The following PPP1R21 variants were observed in gnomAD, a reference collection of about 807,000 sequenced individuals.
The protein encoded by PPP1R21 is protein phosphatase 1 regulatory subunit 21, also known as KLRAQ motif containing 1.
In PPP1R21, 85 loss-of-function variants were observed where a neutral mutation model predicts 112.8. That is an observed-to-expected ratio of 0.75 (90% CI 0.63 to 0.90). PPP1R21 has a LOEUF of 0.90. Among genes scored for constraint, PPP1R21 ranks in the 40% least tolerant of loss-of-function variants. The pLI is 0.00. For synonymous variants in PPP1R21, 381 were observed against 322.3 expected (o/e 1.18, Z -1.95); for missense variants, 1,199 against 901.5 (o/e 1.33, Z -4.23).
intron 20 of PPP1R21, 138 bp from the exon 21 acceptor site, chr2:48,511,202 T>G (rs1670622407): frequency 1.2e-6 from 1 of 863,190 alleles, no homozygotes; most frequent in South Asian, 1.7e-5. Flanking sequence ...TCTTCTTTTG[T>G]AGCTATTTTG....
chr2:48,457,090 C>G (rs1667761864), intron 3 of PPP1R21, among the ~76,000 whole-genome samples: 1 of 151,920 alleles, frequency 6.6e-6, no homozygotes, highest in Non-Finnish European at 1.5e-5. Context: ...TTCTGAAAGA[C>G]CCTTGGGGAG....
chr2:48,502,514 G>A (rs1034506718), intron 17 of PPP1R21, among the ~76,000 whole-genome samples: 2 of 152,078 alleles, frequency 1.3e-5, no homozygotes, highest in East Asian at 1.9e-4. Flanking sequence ...GTGTATGTGT[G>A]TGTGTCTTTG....
chr2:48,491,263 C>G (rs1416154375), intron 15 of PPP1R21, 93 bp downstream of exon 15: 2 of 1,359,748 alleles, frequency 1.5e-6, no homozygotes. Context: ...ATATTGTTGA[C>G]TTTTTATACG....
Position 48,498,750 on chromosome 2 carries a change from G to C in PPP1R21, c.1935+15G>C, listed in dbSNP as rs755242043. 2.5e-6 allele frequency: 4 copies of C among 1,610,056 alleles called. No homozygotes were observed. In the South Asian group the frequency reaches 3.3e-5, roughly 13 times the overall value. Reference sequence around the variant, plus strand: ...GCACCAGTCTAGTAAGTGTCTTCTTGGTTGTCCTCAGTTTTCTTTTTTAAA... The same window carrying C: ...GCACCAGTCTAGTAAGTGTCTTCTTCGTTGTCCTCAGTTTTCTTTTTTAAA... On this transcript the variant is annotated intron_variant, in intron 17 of 21. Coordinates refer to ENST00000294952, the MANE Select transcript of PPP1R21 (RefSeq NM_001135629.3).
intron 1 of PPP1R21, among the ~76,000 whole-genome samples, chr2:48,447,340 A>T (rs953293026): frequency 1.1e-4 from 17 of 152,232 alleles, no homozygotes; most frequent in Admixed American, 2.6e-4. Flanking sequence ...TCAGAAAATT[A>T]CAAAACAAGG....
intron 1 of PPP1R21, among the ~76,000 whole-genome samples, chr2:48,446,126 A>G (rs1289638391): frequency 6.6e-6 from 1 of 152,242 alleles, no homozygotes; most frequent in Non-Finnish European, 1.5e-5. Context: ...CTGCATGAAG[A>G]CAGCCATGTA....
intron 9 of PPP1R21, 92 bp from the exon 10 acceptor site, chr2:48,470,995 T>G: frequency 1.2e-6 from 1 of 868,376 alleles, no homozygotes; most frequent in Non-Finnish European, 1.9e-6. Flanking sequence ...GGTTTACAAT[T>G]TAGGTTTATA....
chr2:48,496,928 A>G (rs1669872377), intron 16 of PPP1R21, among the ~76,000 whole-genome samples: 1 of 152,244 alleles, frequency 6.6e-6, no homozygotes, highest in South Asian at 2.1e-4. Context: ...GAGGACATGG[A>G]AAGTCTGCAC....
chr2:48,494,239 CAAAAAAAAAAAAAAAAAAAAAAAAAAA>C (rs70943345), intron 15 of PPP1R21, among the ~76,000 whole-genome samples: 2 of 42,250 alleles, frequency 4.7e-5, no homozygotes, highest in East Asian at 2.1e-3. Flanking sequence ...GACCTTGTCT[CAAAAAAAAAAAAAAAAAAAAAAAAAAA>C]AAAAAAAAAA....
intron 2 of PPP1R21, 91 bp downstream of exon 2, chr2:48,451,167 A>C (rs1313878924): frequency 8.3e-6 from 8 of 962,368 alleles, no homozygotes; most frequent in African/African-American, 1.6e-5. Flanking sequence ...TTAAAGTTCC[A>C]ACTCTGACAC....
intron 11 of PPP1R21, 74 bp downstream of exon 11, chr2:48,471,441 T>C (rs1481974518): frequency 2.9e-6 from 4 of 1,389,604 alleles, no homozygotes; most frequent in Non-Finnish European, 1.9e-6. Context: ...TAATAAAATA[T>C]TAACATGTGC....
intron 17 of PPP1R21, among the ~76,000 whole-genome samples, 161 bp from the exon 18 acceptor site, chr2:48,505,403 A>G (rs577949559): frequency 5.9e-5 from 9 of 152,366 alleles, no homozygotes; most frequent in Admixed American, 2.0e-4. Flanking sequence ...GCAGCTACCT[A>G]TCTTCATGTC....
At chr2:48,511,115 G>A (rs1369699489) in intron 20 of PPP1R21, among the ~76,000 whole-genome samples, 2 of 152,180 alleles carry the variant, frequency 1.3e-5, no homozygotes, top group Non-Finnish European at 2.9e-5. Context: ...CCTTTGTACA[G>A]TGTGTAATGA....
intron 12 of PPP1R21, among the ~76,000 whole-genome samples, chr2:48,475,189 CAAAAAATTTA>C (rs1403389549): frequency 6.6e-6 from 1 of 151,542 alleles, no homozygotes; most frequent in Admixed American, 6.6e-5. Flanking sequence ...CCCATCTCTA[CAAAAAATTTA>C]AAAATTATCC....
intron 14 of PPP1R21, among the ~76,000 whole-genome samples, chr2:48,488,277 A>G (rs555588840): frequency 3.3e-5 from 5 of 152,076 alleles, no homozygotes; most frequent in Admixed American, 2.6e-4. Flanking sequence ...GGCATGCCAG[A>G]TGCTTTTGGA....
At chr2:48,480,109 T>C in intron 13 of PPP1R21, 93 bp downstream of exon 13, 1 of 861,970 alleles carries the variant, frequency 1.2e-6, no homozygotes, top group Non-Finnish European at 2.0e-6. Context: ...CCAAGGGTAA[T>C]AGACCCCAGA....
In PPP1R21 at chr2:48,460,060, G is replaced by T. The variant is rs376003668; in HGVS notation, c.541-35G>T. Reference sequence around the variant, plus strand: ...AGTGTGCTCCTATCTGTCGTAGCCTGAGCCATCTGTGTTTCTTTTTCTTCT... The same window carrying T: ...AGTGTGCTCCTATCTGTCGTAGCCTTAGCCATCTGTGTTTCTTTTTCTTCT... On this transcript the variant is annotated intron_variant, in intron 5 of 21. Transcript: ENST00000294952. 3.4e-5 allele frequency: 55 copies of T among 1,612,754 alleles called. No homozygotes were observed. The African/African-American group carries it at 6.4e-4, about 19-fold the overall frequency.
intron 11 of PPP1R21, among the ~76,000 whole-genome samples, chr2:48,472,700 A>G (rs1049739399): frequency 6.6e-6 from 1 of 152,106 alleles, no homozygotes; most frequent in Non-Finnish European, 1.5e-5. Context: ...TGTAATCCCA[A>G]TACCTTGTGA....
At position 48,503,805 on chromosome 2, in the gene PPP1R21, T is replaced by C. The variant is rs556971638; in HGVS notation, c.1936-1759T>C. Among the ~76,000 whole-genome samples, 5 of 151,374 alleles carry C rather than the reference T, an allele frequency of 3.3e-5. No homozygotes were observed. In the East Asian group the frequency reaches 9.7e-4, roughly 29 times the overall value. On this transcript the variant is annotated intron_variant, in intron 17 of 21. Coordinates refer to ENST00000294952, the MANE Select transcript of PPP1R21 (RefSeq NM_001135629.3). ...TACTAAAGATTAAAAAAAAAAAAAT[T>C]AGCTGGGCGTGGTGGTGGGCACCTG...
Sources: allele counts gnomAD v4.1 joint callset (sites outside exome capture counted in the v4.1 genomes callset), GRCh38; gene constraint gnomAD v4.1.1; transcripts MANE v1.5; gene names NCBI Gene and HGNC (gene_info 2026-07-23, HGNC 2026-07-21).